Variants in NFATC2 observed in about 807,000 individuals in gnomAD.
The protein encoded by NFATC2 is nuclear factor of activated T cells 2.
In NFATC2, 22 loss-of-function variants were observed where a neutral mutation model predicts 87.3. The observed-to-expected ratio is 0.25, with a 90% CI of 0.18 to 0.36. NFATC2 has a LOEUF of 0.36. Ranked by LOEUF, NFATC2 falls within the 10% of genes least tolerant of loss-of-function variation. NFATC2 has a pLI of 1.00. For synonymous variants in NFATC2, 565 were observed against 542.2 expected (o/e 1.04, Z -0.58); for missense variants, 1,149 against 1,259.1 (o/e 0.91, Z 1.32).
chr20:51,522,989 C>A, intron 2 of NFATC2, 92 bp downstream of exon 2: 1 of 1,542,110 alleles, frequency 6.5e-7, no homozygotes, highest in Non-Finnish European at 8.8e-7. Flanking sequence ...TAAAGTCAGT[C>A]TTAAACCTGA....
At chr20:51,534,537 GT>G (rs2076688474) in intron 1 of NFATC2, among the ~76,000 whole-genome samples, 1 of 152,156 alleles carries the variant, frequency 6.6e-6, no homozygotes. Flanking sequence ...ATTTCACCAT[GT>G]TGCCCAGGCT....
intron 3 of NFATC2, among the ~76,000 whole-genome samples, chr20:51,492,787 G>A (rs2075917529): frequency 6.6e-6 from 1 of 152,230 alleles, no homozygotes; most frequent in South Asian, 2.1e-4. Context: ...CAAGAGGCGT[G>A]ATAAAGCAGC....
chr20:51,517,159 A>G (rs1038949978), intron 2 of NFATC2, among the ~76,000 whole-genome samples: 1 of 152,172 alleles, frequency 6.6e-6, no homozygotes, highest in Non-Finnish European at 1.5e-5. Context: ...CTACATACCT[A>G]CACTATATGG....
intron 10 of NFATC2, among the ~76,000 whole-genome samples, chr20:51,396,036 A>ATG (rs1568921927): frequency 1.3e-3 from 20 of 14,834 alleles, no homozygotes; most frequent in South Asian, 8.7e-3. Flanking sequence ...AGCTCCTAGT[A>ATG]TGTATATATA....
intron 9 of NFATC2, 62 bp from the exon 10 acceptor site, chr20:51,398,792 T>C (rs1365119222): frequency 2.8e-5 from 32 of 1,163,278 alleles, no homozygotes; most frequent in Non-Finnish European, 4.0e-5. Context: ...TGATCTCTCT[T>C]ACGCTTCCAA....
rs1356353615 is a variant in NFATC2, at chr20:51,561,472, AAAGAAAGAAAGAAAGCAAGCAAGC to A, written c.70+1064_70+1087del. On this transcript the variant is annotated intron_variant, in intron 1 of 10. Transcript: ENST00000414705. ...GAAAGAAAGAAAGAAAGAAAGAAAG[AAAGAAAGAAAGAAAGCAAGCAAGC>A]AAGCAAGCAAGCAAGCAAGCAAGCA... is the stretch of plus-strand genomic sequence containing the variant. Among the ~76,000 whole-genome samples, 323 of 137,460 alleles carry A rather than the reference AAAGAAAGAAAGAAAGCAAGCAAGC, an allele frequency of 2.3e-3. 1 individual carries two copies. The highest frequency in any genetic ancestry group is 5.6e-3 in the East Asian group (26 of 4,646). The allele number at this position is 137,460 out of a possible 152,430, so 90.2% of individuals were successfully genotyped here. A position where few individuals can be genotyped will look rare whatever the true frequency, so the allele number is the denominator to read the frequency against.
chr20:51,434,404 C>T (rs1445880697), intron 8 of NFATC2, among the ~76,000 whole-genome samples: 5 of 151,500 alleles, frequency 3.3e-5, no homozygotes, highest in Non-Finnish European at 4.4e-5. Context: ...GTTTCTCAGC[C>T]TGGGAAGCCT....
chr20:51,495,401 T>C (rs934106038), intron 3 of NFATC2, among the ~76,000 whole-genome samples: 9 of 152,200 alleles, frequency 5.9e-5, no homozygotes, highest in African/African-American at 1.9e-4. Flanking sequence ...AAGCCTCCTT[T>C]CTTAAAAAGA....
At chr20:51,555,465 C>T (rs1056232306) in intron 1 of NFATC2, among the ~76,000 whole-genome samples, 64 of 151,964 alleles carry the variant, frequency 4.2e-4, no homozygotes, top group Non-Finnish European at 7.2e-4. Flanking sequence ...TGGTGGCGGG[C>T]GCCTGTAGTC....
Position 51,420,870 on chromosome 20 carries a change from G to A in NFATC2, c.2722+11197C>T, listed in dbSNP as rs78429910. On this transcript the variant is annotated intron_variant, in intron 9 of 10. Transcript: ENST00000371564. Reference sequence around the variant, plus strand: ...TTAGAGATACATGCTATTTCTACACGAAATTATAGGATGTCTAGGATTTGC... The same window carrying A: ...TTAGAGATACATGCTATTTCTACACAAAATTATAGGATGTCTAGGATTTGC... Among the ~76,000 whole-genome samples, 1,032 of 151,916 alleles carry A rather than the reference G, an allele frequency of 6.8e-3. 13 individuals are homozygous for A. Among genetic ancestry groups the A allele is most frequent in the African/African-American group, 0.023 (965 of 41,432 alleles).
intron 6 of NFATC2, among the ~76,000 whole-genome samples, chr20:51,450,678 T>C (rs12624399): frequency 0.092 from 13,981 of 152,246 alleles, 954 homozygotes; most frequent in East Asian, 0.2. Context: ...ACGAGTCCCC[T>C]GGATTCTCCA....
At position 51,391,273 on chromosome 20, in the gene NFATC2, C is replaced by A; in HGVS notation, c.*223G>T. 4 of 987,922 alleles carry A rather than the reference C, an allele frequency of 4.0e-6. No individual in the cohort carries two copies. The highest frequency in any genetic ancestry group is 4.9e-6 in the Non-Finnish European group (3 of 610,284). The allele number at this position is 987,922 out of a possible 1,614,324, so 61.2% of individuals were successfully genotyped here. Reference sequence around the variant, plus strand: ...CTTAAGTGAGAGTCCGCTTAGTGCCCATACATTGATCCGCGTGTGGACTCC... The same window carrying A: ...CTTAAGTGAGAGTCCGCTTAGTGCCAATACATTGATCCGCGTGTGGACTCC... On this transcript the variant is annotated 3_prime_UTR_variant, in exon 11 of 11. Transcript: ENST00000371564.
chr20:51,398,758 G>GA, intron 9 of NFATC2, 28 bp from the exon 10 acceptor site: 1 of 1,476,482 alleles, frequency 6.8e-7, no homozygotes, highest in South Asian at 1.1e-5. Flanking sequence ...AATCATTTTT[G>GA]AGAAGAAAAA....
At chr20:51,428,875 C>A (rs777550313) in intron 9 of NFATC2, among the ~76,000 whole-genome samples, 31 of 152,350 alleles carry the variant, frequency 2.0e-4, no homozygotes, top group Middle Eastern at 6.8e-3. Context: ...GAAATGCCCA[C>A]GCACAGGCAG....
At chr20:51,478,297 T>C (rs1163420078) in intron 3 of NFATC2, among the ~76,000 whole-genome samples, 1 of 152,234 alleles carries the variant, frequency 6.6e-6, no homozygotes. Flanking sequence ...TTGTTTTTGC[T>C]TTGCATTTGA....
rs372131721 is a variant in NFATC2, at chr20:51,432,686, G to A, written c.2103C>T (p.Gly701=). Residue 701 remains glycine (G), a synonymous_variant, in exon 9 of 11, where the codon GGC becomes GGT. Coordinates refer to ENST00000371564, the MANE Select transcript of NFATC2 (RefSeq NM_012340.5). The surrounding 1 kb of genome is among the most constrained non-coding windows in gnomAD (Gnocchi z 4.6). ...PTLICSPTHG[G]LGSQPYYPQH... ...GGGGGTAGTAAGGCTGGCTCCCCAG[G>A]CCTCCATGGGTGGGGCTGCAGATCA... The A allele has an allele frequency of 1.0e-5, 16 of 1,578,156 alleles. No homozygotes were observed. The highest frequency in any genetic ancestry group is 1.4e-5 in the Non-Finnish European group (16 of 1,169,548).
chr20:51,457,886 CTTT>C (rs11325400), intron 5 of NFATC2, among the ~76,000 whole-genome samples: 2,134 of 132,856 alleles, frequency 0.016, 42 homozygotes, highest in African/African-American at 0.053. Flanking sequence ...CCTCCTCGTC[CTTT>C]TTTTTTTTTT....
intron 1 of NFATC2, among the ~76,000 whole-genome samples, chr20:51,560,323 T>C (rs982842352): frequency 1.4e-4 from 21 of 152,296 alleles, no homozygotes; most frequent in African/African-American, 5.1e-4. Flanking sequence ...GCAGAAATTC[T>C]AATGGAAGCA....
chr20:51,553,970 A>G (rs969349241), intron 1 of NFATC2, among the ~76,000 whole-genome samples: 1 of 151,948 alleles, frequency 6.6e-6, no homozygotes, highest in Non-Finnish European at 1.5e-5. Flanking sequence ...ATGCCCCAAG[A>G]TCATTTCTCT....
Sources: gnomAD v4.1 joint callset for allele counts (sites outside exome capture counted in the v4.1 genomes callset) on GRCh38, gnomAD v4.1.1 for gene constraint, Gnocchi (gnomAD v3.1) non-coding constraint, MANE v1.5 for transcripts, NCBI Gene and HGNC (gene_info 2026-07-23, HGNC 2026-07-21) for gene names.